SPOCK3: variants seen among roughly 807,000 people sequenced by gnomAD.
SPOCK3 encodes SPARC (osteonectin), cwcv and kazal like domains proteoglycan 3, also known as testican-3.
SPOCK3 carries 30 observed loss-of-function variants against 56.6 expected under a neutral mutation model. That is an observed-to-expected ratio of 0.53 (90% CI 0.40 to 0.72). The LOEUF is 0.72. SPOCK3 is among the 30% of genes least tolerant of loss of function. The probability of loss-of-function intolerance (pLI) is 0.00; values close to 1 mark genes in which losing one functional copy is unlikely to be tolerated. For synonymous variants in SPOCK3, 196 were observed against 183.3 expected (o/e 1.07, Z -0.56); for missense variants, 527 against 530.0 (o/e 0.99, Z 0.06).
chr4:166,916,333 G>T (rs925184943), intron 4 of SPOCK3, among the ~76,000 whole-genome samples: 3 of 152,182 alleles, frequency 2.0e-5, no homozygotes, highest in African/African-American at 4.8e-5. Context: ...TCTTTTAGGT[G>T]ACTCACTTCT....
chr4:166,887,759 A>C (rs1378588219), intron 6 of SPOCK3, among the ~76,000 whole-genome samples: 2 of 151,722 alleles, frequency 1.3e-5, no homozygotes, highest in Admixed American at 6.6e-5. Flanking sequence ...TATATGTTGC[A>C]GTTTATACTG....
intron 5 of SPOCK3, among the ~76,000 whole-genome samples, chr4:166,904,269 T>A (rs1395704615): frequency 6.6e-6 from 1 of 152,004 alleles, no homozygotes; most frequent in Non-Finnish European, 1.5e-5. Context: ...TCTTATAGCA[T>A]TGTTAAAATT....
intron 8 of SPOCK3, among the ~76,000 whole-genome samples, chr4:166,752,052 A>T (rs998510747): frequency 6.6e-6 from 1 of 151,960 alleles, no homozygotes; most frequent in African/African-American, 2.4e-5. Context: ...TTGTTGAGGT[A>T]GGGTCTCACT....
intron 4 of SPOCK3, among the ~76,000 whole-genome samples, chr4:166,939,055 A>C (rs1740775382): frequency 6.6e-6 from 1 of 152,188 alleles, no homozygotes; most frequent in African/African-American, 2.4e-5. Flanking sequence ...ATGTTTACAA[A>C]GTAAAGATAG....
intron 4 of SPOCK3, among the ~76,000 whole-genome samples, chr4:166,921,742 AAC>A (rs1561011837): frequency 6.6e-6 from 1 of 152,222 alleles, no homozygotes; most frequent in African/African-American, 2.4e-5. Flanking sequence ...GCCTTTCAAA[AAC>A]AGTTTTATTA....
intron 4 of SPOCK3, among the ~76,000 whole-genome samples, chr4:166,952,509 T>C (rs76793025): frequency 0.16 from 24,086 of 151,978 alleles, 2,737 homozygotes; most frequent in African/African-American, 0.33. Context: ...CCATACTGCC[T>C]AAGGTAATTT....
intron 3 of SPOCK3, among the ~76,000 whole-genome samples, chr4:167,046,270 T>G (rs977340291): frequency 6.6e-6 from 1 of 151,908 alleles, no homozygotes; most frequent in Non-Finnish European, 1.5e-5. Flanking sequence ...CTTTATTTTC[T>G]GCAGCTTAAA....
At chr4:166,953,179 T>C (rs1463326912) in intron 4 of SPOCK3, among the ~76,000 whole-genome samples, 1 of 151,454 alleles carries the variant, frequency 6.6e-6, no homozygotes. Flanking sequence ...TTTCGCAACC[T>C]ACTCTTCTGA....
Position 166,912,364 on chromosome 4 carries a change from C to A in SPOCK3, c.474+256G>T, listed in dbSNP as rs190095256. 5.9e-5 allele frequency among the ~76,000 whole-genome samples: 9 copies of A among 152,216 alleles called. No individual in the cohort carries two copies. The East Asian group carries it at 1.7e-3, about 29-fold the overall frequency. On this transcript the variant is annotated intron_variant, in intron 5 of 10. Transcript: ENST00000357545. The stretch of plus-strand genomic sequence containing the variant: ...TACAGCATGCTAACATTTCTGACTT[C>A]TTTCATAGTAGCAACAAAGGAAAGG...
intron 2 of SPOCK3, among the ~76,000 whole-genome samples, chr4:167,202,957 T>A (rs1448796695): frequency 1.3e-5 from 2 of 151,880 alleles, no homozygotes; most frequent in Non-Finnish European, 2.9e-5. Context: ...TTTGGTTTTT[T>A]AAAAAGTAAA....
At chr4:167,134,686 T>A (rs970455739) in intron 2 of SPOCK3, among the ~76,000 whole-genome samples, 29 of 152,258 alleles carry the variant, frequency 1.9e-4, no homozygotes, top group Admixed American at 5.2e-4. Flanking sequence ...TCAAAAGTAT[T>A]CAAAGGACTT....
At chr4:166,853,584 A>T (rs1035037134) in intron 6 of SPOCK3, among the ~76,000 whole-genome samples, 2 of 152,162 alleles carry the variant, frequency 1.3e-5, no homozygotes, top group East Asian at 1.9e-4. Flanking sequence ...AATGAACTAA[A>T]TAACAGTTGT....
intron 4 of SPOCK3, among the ~76,000 whole-genome samples, chr4:166,999,087 C>G (rs2077684): frequency 0.27 from 40,519 of 152,018 alleles, 6,693 homozygotes; most frequent in East Asian, 0.49. Flanking sequence ...CCCTAGTAGG[C>G]TAACTTTACA....
chr4:167,064,798 T>C (rs1413850299), intron 2 of SPOCK3, among the ~76,000 whole-genome samples: 2 of 151,652 alleles, frequency 1.3e-5, no homozygotes, highest in African/African-American at 4.8e-5. Context: ...ATCTACCTAT[T>C]TGAGGGGGAG....
intron 2 of SPOCK3, among the ~76,000 whole-genome samples, chr4:167,191,100 C>T (rs143535460): frequency 6.9e-6 from 1 of 145,714 alleles, no homozygotes; most frequent in East Asian, 2.1e-4. Context: ...ACTATTTTGG[C>T]TATTCAGGGT....
At chr4:167,037,058 G>A (rs1445739452) in intron 3 of SPOCK3, among the ~76,000 whole-genome samples, 2 of 152,122 alleles carry the variant, frequency 1.3e-5, no homozygotes, top group Non-Finnish European at 2.9e-5. Context: ...TTTTACAAAA[G>A]AGATTGTAGA....
At position 166,754,719 on chromosome 4, in the gene SPOCK3, G is replaced by A; in HGVS notation, c.720C>T (p.Thr240=). 1 of 1,612,576 alleles carries A rather than the reference G, an allele frequency of 6.2e-7. No homozygotes were observed. Among genetic ancestry groups the A allele is most frequent in the Non-Finnish European group, 8.5e-7 (1 of 1,179,222 alleles). The stretch of plus-strand genomic sequence containing the variant: ...AGTCCTTGCAAATTGGCAAGATGCT[G>A]GTATCGAATCCTAAAGGCAAAAAAA... ...LLRPERSRFD[T]SILPICKDSL... The change falls in exon 8 of 11, where the codon ACC becomes ACT. Residue 240 remains threonine, a synonymous_variant. Transcript: ENST00000357545.
intron 6 of SPOCK3, among the ~76,000 whole-genome samples, chr4:166,806,604 A>G (rs1743190720): frequency 6.6e-6 from 1 of 152,084 alleles, no homozygotes; most frequent in Non-Finnish European, 1.5e-5. Context: ...TATTTGTCCT[A>G]CATATATATC....
chr4:167,077,467 A>C (rs1757303994), intron 2 of SPOCK3, among the ~76,000 whole-genome samples: 1 of 151,930 alleles, frequency 6.6e-6, no homozygotes, highest in South Asian at 2.1e-4. Flanking sequence ...GAACATTTTT[A>C]AGAGAACAAG....
Sources: gnomAD v4.1 joint callset for allele counts (sites outside exome capture counted in the v4.1 genomes callset) on GRCh38, gnomAD v4.1.1 for gene constraint, MANE v1.5 for transcripts, NCBI Gene and HGNC (gene_info 2026-07-23, HGNC 2026-07-21) for gene names.